DACH1: variants seen among roughly 807,000 people sequenced by gnomAD.
The protein encoded by DACH1 is dachshund homolog 1.
DACH1 carries 12 observed loss-of-function variants against 54.2 expected under a neutral mutation model. The ratio of observed to expected loss-of-function variants is 0.22; its 90% CI spans 0.14 to 0.36. DACH1 has a LOEUF of 0.36. Among genes scored for constraint, DACH1 ranks in the 10% least tolerant of loss-of-function variants. The probability of loss-of-function intolerance (pLI) is 1.00; values close to 1 mark genes in which losing one functional copy is unlikely to be tolerated. For missense variants in DACH1, 805 were observed against 929.8 expected (o/e 0.87, Z 1.75); for synonymous variants, 386 against 366.2 (o/e 1.05, Z -0.62).
chr13:71,567,906 T>G (rs1424213625), intron 4 of DACH1, among the ~76,000 whole-genome samples: 1 of 152,044 alleles, frequency 6.6e-6, no homozygotes, highest in South Asian at 2.1e-4. Flanking sequence ...GAGAAAAATA[T>G]TGATTCATTC....
chr13:71,766,176 A>C (rs951528771), intron 1 of DACH1, among the ~76,000 whole-genome samples: 1 of 152,002 alleles, frequency 6.6e-6, no homozygotes, highest in Admixed American at 6.6e-5. Context: ...GTGAGCCACC[A>C]CGCCTGGCCT....
intron 10 of DACH1, 39 bp downstream of exon 10, chr13:71,475,102 T>C (rs574623547): frequency 1.9e-6 from 3 of 1,586,558 alleles, no homozygotes; most frequent in South Asian, 2.2e-5. Context: ...AAAACTCATA[T>C]AGCAAGATCT....
chr13:71,818,815 A>G (rs529693002), intron 1 of DACH1, among the ~76,000 whole-genome samples: 3 of 152,344 alleles, frequency 2.0e-5, no homozygotes, highest in Admixed American at 2.0e-4. Flanking sequence ...TTTGACTTGG[A>G]TGCTATTCTG....
In DACH1 at chr13:71,866,313, T is replaced by G. The variant is rs1164639852; in HGVS notation, c.457A>C (p.Ser153Arg). The G allele has an allele frequency of 1.7e-5, 25 of 1,472,350 alleles. 1 individual carries two copies. The highest frequency in any genetic ancestry group is 1.7e-4 in the Admixed American group (8 of 48,422). 91.2% of individuals were successfully genotyped at this position (1,472,350 alleles called of 1,614,324 possible). A position where few individuals can be genotyped will look rare whatever the true frequency, so the allele number is the denominator to read the frequency against. The change falls in exon 1 of 11, where the codon AGT becomes CGT. Residue 153 changes from serine (S) to arginine (R), a missense_variant. Physicochemically the swap from Ser to Arg is moderately radical, Grantham distance 110. Transcript: ENST00000613252. ...SSSSSSSSSS[S>R]SSSSSSSSSS... ...CTGCTACTGCTGCTGCTGCTACTAC[T>G]GCTGCTGCTGCTGCTGCTGCTACTG...
intron 1 of DACH1, among the ~76,000 whole-genome samples, chr13:71,696,835 C>T (rs1053264743): frequency 6.6e-5 from 10 of 152,118 alleles, no homozygotes; most frequent in Non-Finnish European, 1.2e-4. Context: ...CATGAGCCAC[C>T]GTGCCCGGCC....
rs1873665910 is a variant in DACH1, at chr13:71,438,017, A to T, written c.*2638T>A. 1 of 152,468 alleles carries T rather than the reference A, an allele frequency of 6.6e-6. No homozygotes were observed. Among genetic ancestry groups the T allele is most frequent in the Admixed American group, 6.6e-5 (1 of 15,258 alleles). 9.4% of individuals were successfully genotyped at this position (152,468 alleles called of 1,614,324 possible). A position where few individuals can be genotyped will look rare whatever the true frequency, so the allele number is the denominator to read the frequency against. On this transcript the variant is annotated 3_prime_UTR_variant, in exon 11 of 11. Transcript: ENST00000613252. ...ATTGTTGAAAAGGAAAAGAAAATTA[A>T]ATACAATAACAGTAAACGTGGTTCT...
intron 8 of DACH1, among the ~76,000 whole-genome samples, chr13:71,477,507 C>A (rs1038270903): frequency 2.6e-5 from 4 of 151,956 alleles, no homozygotes; most frequent in Admixed American, 1.3e-4. Context: ...CTGTTTGTAT[C>A]AAAATGTACA....
Position 71,523,871 on chromosome 13 carries a change from G to A in DACH1, c.1570+33153C>T, listed in dbSNP as rs117382824. ...TCTATTCTACTTCCAAAAACTGTTT[G>A]CCACCAGTAGACAATTTAATTTTAC... On this transcript the variant is annotated intron_variant, in intron 6 of 10. Coordinates refer to ENST00000613252, the MANE Select transcript of DACH1 (RefSeq NM_080759.6). 1.2e-3 allele frequency among the ~76,000 whole-genome samples: 184 copies of A among 152,104 alleles called. 2 individuals are homozygous for A. The East Asian group carries it at 0.028, about 23-fold the overall frequency.
intron 6 of DACH1, among the ~76,000 whole-genome samples, chr13:71,489,488 G>C (rs774559700): frequency 6.6e-5 from 10 of 151,984 alleles, no homozygotes; most frequent in Non-Finnish European, 1.2e-4. Context: ...TCTCCTTTTA[G>C]TTTGTTCTGT....
chr13:71,731,561 G>T (rs144162761), intron 1 of DACH1, among the ~76,000 whole-genome samples: 7,568 of 152,206 alleles, frequency 0.05, 595 homozygotes, highest in African/African-American at 0.17. Context: ...GGGATTACAG[G>T]CGTGAGCCAC....
Position 71,866,496 on chromosome 13 carries a change from C to G in DACH1, c.274G>C (p.Gly92Arg). 1 of 1,234,392 alleles carries G rather than the reference C, an allele frequency of 8.1e-7. No individual in the cohort carries two copies. Among genetic ancestry groups the G allele is most frequent in the Non-Finnish European group, 1.0e-6 (1 of 987,402 alleles). 76.5% of individuals were successfully genotyped at this position (1,234,392 alleles called of 1,614,324 possible). ...SGGGGGSSGN[G>R]GGGGGGGGGS... ...CCGCCGCCGCCGCCACCGCCGCCTC[C>G]GTTGCCGCTGCTGCCGCCGCCGCCT... is the stretch of plus-strand genomic sequence containing the variant. Residue 92 changes from glycine (G) to arginine (R), a missense_variant, in exon 1 of 11, where the codon GGA becomes CGA. Coordinates refer to ENST00000613252, the MANE Select transcript of DACH1 (RefSeq NM_080759.6).
intron 2 of DACH1, among the ~76,000 whole-genome samples, chr13:71,648,358 T>C (rs1334695399): frequency 6.6e-6 from 1 of 152,016 alleles, no homozygotes; most frequent in African/African-American, 2.4e-5. Context: ...CAGACCAGTT[T>C]AGAAAAACAT....
intron 1 of DACH1, among the ~76,000 whole-genome samples, chr13:71,799,959 G>A (rs1203434852): frequency 1.3e-5 from 2 of 152,010 alleles, no homozygotes; most frequent in Non-Finnish European, 2.9e-5. Context: ...TTCTATTTAT[G>A]TTTAGAATGA....
intron 1 of DACH1, among the ~76,000 whole-genome samples, chr13:71,833,436 GT>G (rs1281955556): frequency 3.9e-5 from 6 of 152,012 alleles, no homozygotes; most frequent in Non-Finnish European, 7.4e-5. Context: ...TGAAGTATAA[GT>G]GGAGAGAATG....
At chr13:71,521,307 A>T (rs544532839) in intron 6 of DACH1, among the ~76,000 whole-genome samples, 2 of 152,102 alleles carry the variant, frequency 1.3e-5, no homozygotes, top group Admixed American at 1.3e-4. Context: ...GGCAGGGACC[A>T]TATTTTTCTT....
intron 1 of DACH1, among the ~76,000 whole-genome samples, chr13:71,824,786 T>C (rs1486663325): frequency 6.6e-6 from 1 of 152,068 alleles, no homozygotes; most frequent in Non-Finnish European, 1.5e-5. Flanking sequence ...TCCTAAAATA[T>C]TTCTGTTTTT....
chr13:71,805,798 T>C (rs1887473166), intron 1 of DACH1, among the ~76,000 whole-genome samples: 1 of 152,114 alleles, frequency 6.6e-6, no homozygotes, highest in Admixed American at 6.5e-5. Flanking sequence ...GCGATAATAA[T>C]ATTCATTTGA....
intron 1 of DACH1, among the ~76,000 whole-genome samples, chr13:71,767,857 G>A (rs1249990148): frequency 6.6e-6 from 1 of 151,816 alleles, no homozygotes; most frequent in African/African-American, 2.4e-5. Context: ...TTTTCCTTCT[G>A]TATAAGTTTC....
Position 71,866,718 on chromosome 13 carries a change from G to C in DACH1, c.52C>G (p.Pro18Ala), listed in dbSNP as rs761619897. ...GAGGAAGCAGACGTGGAGATTGGGG[G>C]TTGAGGGGGGACCAGCTGGGTCGGA... ...IPPTQLVPPQ[P>A]PISTSASSSG... The change falls in exon 1 of 11, where the codon CCC becomes GCC. Residue 18 changes from proline to alanine, a missense_variant. By Grantham distance (27) the Pro-to-Ala change is conservative. Around this residue, in one of 3 missense-constraint regions of DACH1, gnomAD observed 305 missense variants for 308.7 expected, o/e 0.99. Transcript: ENST00000613252. The C allele has an allele frequency of 6.9e-7, 1 of 1,448,400 alleles. No individual in the cohort carries two copies. The highest frequency in any genetic ancestry group is 9.2e-7 in the Non-Finnish European group (1 of 1,092,146). 89.7% of individuals were successfully genotyped at this position (1,448,400 alleles called of 1,614,324 possible).
Sources: gnomAD v4.1 joint callset for allele counts (sites outside exome capture counted in the v4.1 genomes callset) on GRCh38, gnomAD v4.1.1 for gene constraint, gnomAD v4.1.1 regional missense constraint, MANE v1.5 for transcripts, NCBI Gene and HGNC (gene_info 2026-07-23, HGNC 2026-07-21) for gene names.